CDON: variants seen among roughly 807,000 people sequenced by gnomAD.
CDON encodes cell adhesion associated, oncogene regulated.
CDON carries 73 observed loss-of-function variants against 120.9 expected under a neutral mutation model. The observed-to-expected ratio is 0.60, with a 90% CI of 0.50 to 0.73. The LOEUF (loss-of-function observed/expected upper bound fraction) is 0.73. Among genes scored for constraint, CDON ranks in the 30% least tolerant of loss-of-function variants. The probability of loss-of-function intolerance (pLI) is 0.00; values close to 1 mark genes in which losing one functional copy is unlikely to be tolerated. For synonymous variants in CDON, 566 were observed against 573.5 expected (o/e 0.99, Z 0.19); for missense variants, 1,470 against 1,587.3 (o/e 0.93, Z 1.26).
At position 125,978,307 on chromosome 11, in the gene CDON, T is replaced by C; in HGVS notation, c.3353A>G (p.Asn1118Ser). The C allele has an allele frequency of 1.3e-6, 2 of 1,580,450 alleles. No individual in the cohort carries two copies. The highest frequency in any genetic ancestry group is 2.2e-5 in the East Asian group (1 of 44,712). ...TGCAGACACATTATTAACATACCTA[T>C]TGTTGTTTCGACAATTTCGGCAGTT... ...CVNCRNCRNNNRCFTKTNSTF... is the reference protein window; with the variant it reads ...CVNCRNCRNNSRCFTKTNSTF... The change falls in exon 18 of 20, where the codon AAT becomes AGT. Residue 1118 changes from asparagine to serine, a missense_variant. By Grantham distance (46) the Asn-to-Ser change is conservative (BLOSUM62 1). Coordinates refer to ENST00000531738, the MANE Select transcript of CDON (RefSeq NM_001378964.1).
chr11:126,055,853 G>A (rs918875891), intron 1 of CDON, among the ~76,000 whole-genome samples: 2 of 152,100 alleles, frequency 1.3e-5, no homozygotes, highest in South Asian at 2.1e-4. Context: ...AAGAATACCC[G>A]ACATTTACTT....
At chr11:125,967,073 A>G (rs2134364914) in intron 18 of CDON, among the ~76,000 whole-genome samples, 1 of 152,298 alleles carries the variant, frequency 6.6e-6, no homozygotes, top group Non-Finnish European at 1.5e-5. Flanking sequence ...ACAAAAAAAG[A>G]ATGCAGGGAA....
In CDON at chr11:125,959,298, A is replaced by T. The variant is rs1406936775; in HGVS notation, c.*1644T>A. ...ATTTCTGGGAAACTAACATTTCTTCACTTCTGCTGGAATTGCTTGACTCTA... is the reference window on the plus strand; with the variant it reads ...ATTTCTGGGAAACTAACATTTCTTCTCTTCTGCTGGAATTGCTTGACTCTA... On this transcript the variant is annotated 3_prime_UTR_variant, in exon 20 of 20. Coordinates refer to ENST00000531738, the MANE Select transcript of CDON (RefSeq NM_001378964.1). The T allele has an allele frequency of 1.3e-5, 2 of 152,220 alleles. No homozygotes were observed. Among genetic ancestry groups the T allele is most frequent in the Non-Finnish European group, 2.9e-5 (2 of 68,040 alleles). The allele number at this position is 152,220 out of a possible 1,614,324, so 9.4% of individuals were successfully genotyped here.
chr11:126,024,005 G>C (rs1220630553), intron 1 of CDON, among the ~76,000 whole-genome samples: 3 of 152,026 alleles, frequency 2.0e-5, no homozygotes, highest in African/African-American at 7.3e-5. Context: ...CTGTGAGACA[G>C]GTACTACTGG....
rs879665121 is a variant in CDON, at chr11:126,038,657, T to TA, written c.-61-15121dup. ...ACAGGAGCGAAACTCCGTCTCAAAA[T>TA]AAAAAAAAAAAAAGAATCTCTGGTT... On this transcript the variant is annotated intron_variant, in intron 1 of 19. Transcript: ENST00000531738. Among the ~76,000 whole-genome samples the TA allele has an allele frequency of 6.5e-3, 858 of 133,014 alleles. 5 individuals are homozygous for TA. The highest frequency in any genetic ancestry group is 0.014 in the African/African-American group (499 of 36,218). The allele number at this position is 133,014 out of a possible 152,430, so 87.3% of individuals were successfully genotyped here.
chr11:125,972,803 C>T (rs767088258), intron 18 of CDON, among the ~76,000 whole-genome samples: 6 of 152,060 alleles, frequency 3.9e-5, no homozygotes, highest in Non-Finnish European at 7.3e-5. Flanking sequence ...GGAAAAGGCC[C>T]CATGCAAGAC....
chr11:126,015,432 T>C lies in CDON; in HGVS notation c.1007A>G (p.His336Arg), dbSNP rs774702488. Residue 336 changes from histidine (H) to arginine (R), a missense_variant, in exon 7 of 20, where the codon CAT becomes CGT. Coordinates refer to ENST00000531738, the MANE Select transcript of CDON (RefSeq NM_001378964.1). ...GATVHFTCDVHGNPAPNCTWF... is the reference protein window; with the variant it reads ...GATVHFTCDVRGNPAPNCTWF... Reference sequence around the variant, plus strand: ...GGTACAGTTGGGGGCTGGGTTCCCATGAACGTCGCAGGTAAAGTGTACTGT... The same window carrying C: ...GGTACAGTTGGGGGCTGGGTTCCCACGAACGTCGCAGGTAAAGTGTACTGT... 6.2e-7 allele frequency: 1 copy of C among 1,614,138 alleles called. No homozygotes were observed. Among genetic ancestry groups the C allele is most frequent in the Non-Finnish European group, 8.5e-7 (1 of 1,179,986 alleles).
At chr11:125,995,301 G>A (rs1014470957) in intron 12 of CDON, among the ~76,000 whole-genome samples, 46 of 152,292 alleles carry the variant, frequency 3.0e-4, no homozygotes, top group African/African-American at 1.0e-3. Flanking sequence ...CACCAAGAAA[G>A]AGCACTGCAA....
In CDON at chr11:126,010,423, C is replaced by A; in HGVS notation, c.1470G>T (p.Val490=). 6.2e-7 allele frequency: 1 copy of A among 1,614,106 alleles called. No individual in the cohort carries two copies. Among genetic ancestry groups the A allele is most frequent in the South Asian group, 1.1e-5 (1 of 91,052 alleles). The change falls in exon 8 of 20, where the codon GTG becomes GTT. Residue 490 remains valine (V), a synonymous_variant. Transcript: ENST00000531738. ...AGASSLHIQA[V]TQEHAGKYIC... ...TGTATTTCCCCGCATGTTCCTGAGT[C>A]ACAGCCTGAATATGGAGAGAGCTTG...
intron 16 of CDON, 69 bp from the exon 17 acceptor site, chr11:125,981,398 ACACG>A: frequency 6.7e-7 from 1 of 1,489,328 alleles, no homozygotes; most frequent in Admixed American, 1.7e-5. Flanking sequence ...ACATACGCAC[ACACG>A]CATGCACACA....
rs140542787 is a variant in CDON, at chr11:126,017,225, G to T, written c.791C>A (p.Pro264Gln). 283 of 1,613,996 alleles carry T rather than the reference G, an allele frequency of 1.8e-4. No individual in the cohort carries two copies. Among genetic ancestry groups the T allele is most frequent in the Non-Finnish European group, 2.3e-4 (273 of 1,180,032 alleles). Reference sequence around the variant, plus strand: ...ATACAACCTTCTCCAGTTGCTTCCTGGTGCAATGTCCTGCCCGTCCTTTAG... The same window carrying T: ...ATACAACCTTCTCCAGTTGCTTCCTTGTGCAATGTCCTGCCCGTCCTTTAG... ...YWLKDGQDIA[P>Q]GSNWRRLYSH... The change falls in exon 6 of 20, where the codon CCA (proline) becomes CAA (glutamine). Residue 264 changes from proline to glutamine, a missense_variant. Transcript: ENST00000531738.
chr11:126,041,987 C>T (rs142724721), intron 1 of CDON, among the ~76,000 whole-genome samples: 427 of 152,234 alleles, frequency 2.8e-3, no homozygotes, highest in Non-Finnish European at 4.7e-3. Context: ...CAGGTTCAAG[C>T]GATTCTCCTG....
intron 18 of CDON, among the ~76,000 whole-genome samples, chr11:125,971,307 T>C (rs541743001): frequency 1.5e-4 from 23 of 151,978 alleles, no homozygotes; most frequent in East Asian, 1.2e-3. Context: ...GGCGTGAACC[T>C]GGGAGGTGGA....
intron 1 of CDON, among the ~76,000 whole-genome samples, chr11:126,042,720 C>G (rs1367813579): frequency 6.6e-6 from 1 of 152,172 alleles, no homozygotes; most frequent in Non-Finnish European, 1.5e-5. Flanking sequence ...CTCCCCAGTT[C>G]AAGTGATTCT....
At chr11:126,033,855 G>T (rs1044537551) in intron 1 of CDON, among the ~76,000 whole-genome samples, 1 of 152,112 alleles carries the variant, frequency 6.6e-6, no homozygotes, top group Non-Finnish European at 1.5e-5. Context: ...GGGGCGTATG[G>T]GGGTTCTTTT....
At chr11:125,986,471 TA>T (rs1319298798) in intron 15 of CDON, among the ~76,000 whole-genome samples, 2 of 151,928 alleles carry the variant, frequency 1.3e-5, no homozygotes, top group African/African-American at 4.8e-5. Flanking sequence ...AAATTAAAAA[TA>T]AAAATCTACT....
chr11:126,013,771 T>A (rs530070195), intron 7 of CDON, among the ~76,000 whole-genome samples: 9 of 152,108 alleles, frequency 5.9e-5, no homozygotes, highest in Non-Finnish European at 8.8e-5. Flanking sequence ...GTATTTTATC[T>A]TTGTTTTCTA....
At chr11:126,026,435 T>G (rs1947794868) in intron 1 of CDON, among the ~76,000 whole-genome samples, 1 of 152,212 alleles carries the variant, frequency 6.6e-6, no homozygotes, top group Non-Finnish European at 1.5e-5. Flanking sequence ...AATGAGAATT[T>G]TATGTGCATT....
chr11:126,031,707 CTTTTG>C (rs1947949492), intron 1 of CDON, among the ~76,000 whole-genome samples: 1 of 152,130 alleles, frequency 6.6e-6, no homozygotes, highest in African/African-American at 2.4e-5. Context: ...TTGTGTTGAG[CTTTTG>C]TTTTGCCATA....
Sources: gnomAD v4.1 joint callset for allele counts (sites outside exome capture counted in the v4.1 genomes callset) on GRCh38, gnomAD v4.1.1 for gene constraint, MANE v1.5 for transcripts, NCBI Gene and HGNC (gene_info 2026-07-23, HGNC 2026-07-21) for gene names.